FNDC7: variants seen among roughly 807,000 people sequenced by gnomAD.
The protein encoded by FNDC7 is fibronectin type III domain-containing protein 7.
FNDC7 carries 66 observed loss-of-function variants against 74.2 expected under a neutral mutation model. That is an observed-to-expected ratio of 0.89 (90% CI 0.73 to 1.09). The LOEUF is 1.09. Among genes scored for constraint, FNDC7 ranks in the 50% least tolerant of loss-of-function variants. The pLI is 0.00. For missense variants in FNDC7, 829 were observed against 893.4 expected, an observed-to-expected ratio of 0.93 and a Z score of 0.92; for synonymous variants, 307 against 330.2, an observed-to-expected ratio of 0.93 and a Z score of 0.76.
chr1:108,720,101 C>T (rs972339629), intron 4 of FNDC7, among the ~76,000 whole-genome samples: 2 of 152,144 alleles, frequency 1.3e-5, no homozygotes, highest in Admixed American at 6.5e-5. Flanking sequence ...ATGTCTGTGA[C>T]AAGTCAGTCT....
At chr1:108,728,555 A>T in intron 7 of FNDC7, 77 bp from the exon 8 acceptor site, 1 of 1,570,364 alleles carries the variant, frequency 6.4e-7, no homozygotes, top group Non-Finnish European at 8.7e-7. Flanking sequence ...ACTGGGGGCA[A>T]AATCAGTTTT....
Position 108,741,250 on chromosome 1 carries a change from G to A in FNDC7, c.2171-523G>A, listed in dbSNP as rs757470577. ...TTTGAGGTGATAGCGGCTCTAACAA[G>A]AGGTAGATAGATGGGAGGGGTTTGT... On this transcript the variant is annotated intron_variant, in intron 11 of 12. Transcript: ENST00000370017. Among the ~76,000 whole-genome samples the A allele has an allele frequency of 3.3e-4, 50 of 152,220 alleles. 1 individual carries two copies. The highest frequency in any genetic ancestry group is 8.8e-5 in the Non-Finnish European group (6 of 68,038).
rs1661678927 is a variant in FNDC7 at position 108,742,740 on chromosome 1, A to C, written c.*853A>C. The stretch of plus-strand genomic sequence containing the variant: ...ATGAAATATAACATAAATCTCTCAT[A>C]CCTAAAAAAGTTTGTCCTTCAAATA... On this transcript the variant is annotated 3_prime_UTR_variant, in exon 13 of 13. Transcript: ENST00000370017. 6.6e-6 allele frequency: 1 copy of C among 152,202 alleles called. No homozygotes were observed. Among genetic ancestry groups the C allele is most frequent in the Non-Finnish European group, 1.5e-5 (1 of 68,040 alleles). 9.4% of individuals were successfully genotyped at this position (152,202 alleles called of 1,614,324 possible). A position where few individuals can be genotyped will look rare whatever the true frequency, so the allele number is the denominator to read the frequency against.
In FNDC7 at chr1:108,718,978, A is replaced by G; in HGVS notation, c.527A>G (p.Tyr176Cys). 1 of 1,552,104 alleles carries G rather than the reference A, an allele frequency of 6.4e-7. No individual in the cohort carries two copies. Among genetic ancestry groups the G allele is most frequent in the Non-Finnish European group, 8.7e-7 (1 of 1,147,082 alleles). ...ACCAGTTTAGAAGCCGGAACTCTCT[A>G]CACCATAAAGGCCTATGCATGGAAT... is the stretch of plus-strand genomic sequence containing the variant. ...TFTSLEAGTL[Y>C]TIKAYAWNAN... is the part of the protein sequence containing the mutation. The change falls in exon 4 of 13, where the codon TAC (tyrosine) becomes TGC (cysteine). Residue 176 changes from tyrosine (Y) to cysteine (C), a missense_variant. Coordinates refer to ENST00000370017, the MANE Select transcript of FNDC7 (RefSeq NM_001144937.3).
At chr1:108,721,710 T>A (rs1280620015) in intron 4 of FNDC7, among the ~76,000 whole-genome samples, 2 of 152,182 alleles carry the variant, frequency 1.3e-5, no homozygotes, top group East Asian at 3.8e-4. Context: ...TAGGGTTAAG[T>A]GTTTTGGAGA....
In FNDC7 at chr1:108,730,789, T is replaced by G; in HGVS notation, c.1740T>G (p.Thr580=). ...QTHVAVLESH[T]GQSKCHTHQN... Reference sequence around the variant, plus strand: ...ATGTTGCAGTTCTGGAGTCACACACTGGACAGTCTAAGTGTCACACTCATC... The same window carrying G: ...ATGTTGCAGTTCTGGAGTCACACACGGGACAGTCTAAGTGTCACACTCATC... The change falls in exon 9 of 13, where the codon ACT becomes ACG. Residue 580 remains threonine (T), a synonymous_variant. Transcript: ENST00000370017. The G allele has an allele frequency of 1.2e-6, 2 of 1,614,138 alleles. No homozygotes were observed. The highest frequency in any genetic ancestry group is 1.3e-5 in the African/African-American group (1 of 75,036).
intron 1 of FNDC7, 118 bp from the exon 2 acceptor site, chr1:108,713,393 T>C: frequency 2.4e-6 from 2 of 824,282 alleles, no homozygotes; most frequent in Admixed American, 4.5e-5. Context: ...ATTGAAAGAC[T>C]GCTCACGTTA....
chr1:108,733,475 T>C lies in FNDC7; in HGVS notation c.2083T>C (p.Ser695Pro), dbSNP rs1198874419. The change falls in exon 10 of 13, where the codon TCA (serine) becomes CCA (proline). Residue 695 changes from serine to proline, a missense_variant. Coordinates refer to ENST00000370017, the MANE Select transcript of FNDC7 (RefSeq NM_001144937.3). ...TGGGGATGTATACACTGTGATGGTC[T>C]CACCAGTTGCTAAAACAGGATTGAA... Reference protein sequence around the residue: ...PCGDVYTVMVSPVAKTGLKLT... With the variant: ...PCGDVYTVMVPPVAKTGLKLT... 2 of 1,614,106 alleles carry C rather than the reference T, an allele frequency of 1.2e-6. No individual in the cohort carries two copies. The highest frequency in any genetic ancestry group is 1.7e-6 in the Non-Finnish European group (2 of 1,179,986).
intron 5 of FNDC7, among the ~76,000 whole-genome samples, chr1:108,724,067 G>A (rs921290013): frequency 1.2e-4 from 18 of 152,050 alleles, no homozygotes; most frequent in African/African-American, 3.9e-4. Flanking sequence ...AATATATTTC[G>A]GGAAGATTTC....
At chr1:108,720,911 G>C (rs1557787866) in intron 4 of FNDC7, among the ~76,000 whole-genome samples, 1 of 152,170 alleles carries the variant, frequency 6.6e-6, no homozygotes, top group Non-Finnish European at 1.5e-5. Flanking sequence ...TATGAACTTG[G>C]AGGGAACTCA....
chr1:108,716,721 A>T (rs1462506098), intron 2 of FNDC7, among the ~76,000 whole-genome samples: 1 of 151,922 alleles, frequency 6.6e-6, no homozygotes, highest in East Asian at 1.9e-4. Context: ...AGGGGAGCTG[A>T]TGCTGGAGAA....
intron 7 of FNDC7, 140 bp from the exon 8 acceptor site, chr1:108,728,492 G>T: frequency 1.1e-6 from 1 of 872,048 alleles, no homozygotes; most frequent in South Asian, 1.6e-5. Context: ...CCACGCATAG[G>T]CACTATGAAT....
chr1:108,735,886 G>C (rs1197029500), intron 10 of FNDC7, among the ~76,000 whole-genome samples: 2 of 152,090 alleles, frequency 1.3e-5, no homozygotes, highest in African/African-American at 4.8e-5. Flanking sequence ...GCTCAATGCA[G>C]CCTTGACCTC....
chr1:108,730,007 A>G (rs1661307173), intron 8 of FNDC7, among the ~76,000 whole-genome samples: 1 of 152,256 alleles, frequency 6.6e-6, no homozygotes, highest in Non-Finnish European at 1.5e-5. Context: ...AAGGCAAATT[A>G]TACTTAATTG....
chr1:108,738,435 A>T (rs1406964269), intron 11 of FNDC7, among the ~76,000 whole-genome samples: 3 of 152,098 alleles, frequency 2.0e-5, no homozygotes, highest in African/African-American at 7.2e-5. Context: ...CCTCATGAGG[A>T]GTCCTTGCCA....
At chr1:108,740,277 G>A (rs1285995058) in intron 11 of FNDC7, among the ~76,000 whole-genome samples, 1 of 147,302 alleles carries the variant, frequency 6.8e-6, no homozygotes, top group Non-Finnish European at 1.5e-5. Context: ...GGTTTTCTTT[G>A]GGTTTTCTTT....
Position 108,728,739 on chromosome 1 carries a change from G to A in FNDC7, c.1477G>A (p.Gly493Arg), listed in dbSNP as rs140080515. The change falls in exon 8 of 13, where the codon GGG becomes AGG. Residue 493 changes from glycine (G) to arginine (R), a missense_variant. Transcript: ENST00000370017. ...DDATYTVTAQ[G>R]EKGLYQCSST... ...TGCTACTTACACGGTGACTGCCCAA[G>A]GGGAGAAAGGACTGTATCAGTGCAG... is the stretch of plus-strand genomic sequence containing the variant. The A allele has an allele frequency of 1.6e-4, 252 of 1,614,158 alleles. No individual in the cohort carries two copies. The highest frequency in any genetic ancestry group is 2.1e-4 in the Non-Finnish European group (243 of 1,180,060).
rs549758848 is a variant in FNDC7, at chr1:108,723,799, C to T, written c.856+1207C>T. ...GGGGAACTTTTACAAAATCCCAATA[C>T]CCAGGTCCCACTTAAGACCAACTGG... On this transcript the variant is annotated intron_variant, in intron 5 of 12. Coordinates refer to ENST00000370017, the MANE Select transcript of FNDC7 (RefSeq NM_001144937.3). Among the ~76,000 whole-genome samples, 3 of 152,278 alleles carry T rather than the reference C, an allele frequency of 2.0e-5. No homozygotes were observed. The East Asian group carries it at 5.8e-4, about 29-fold the overall frequency.
chr1:108,719,178 T>G (rs1284090422), intron 4 of FNDC7, 129 bp downstream of exon 4: 1 of 1,020,480 alleles, frequency 9.8e-7, no homozygotes, highest in Non-Finnish European at 1.4e-6. Context: ...TTTAAATTTA[T>G]TATAAAGTTA....
Sources: gnomAD v4.1 joint callset for allele counts (sites outside exome capture counted in the v4.1 genomes callset) on GRCh38, gnomAD v4.1.1 for gene constraint, MANE v1.5 for transcripts, NCBI Gene and HGNC (gene_info 2026-07-23, HGNC 2026-07-21) for gene names.